The following SKA2 variants were observed in gnomAD, a reference collection of about 807,000 sequenced individuals.
SKA2 encodes spindle and kinetochore associated complex subunit 2, also known as spindle and kinetochore-associated protein 2.
Under a neutral mutation model 16.9 loss-of-function variants are expected in SKA2, and 13 were observed. The ratio of observed to expected loss-of-function variants is 0.77; its 90% CI spans 0.50 to 1.22. The LOEUF is 1.22. Ranked by LOEUF, SKA2 falls within the 50% of genes most tolerant of loss-of-function variation. The pLI is 0.00. For synonymous variants in SKA2, 47 were observed against 48.5 expected (o/e 0.97, Z 0.13); for missense variants, 107 against 139.7 (o/e 0.77, Z 1.18).
rs545896005 is a variant in SKA2, at chr17:59,152,054, A to G, written c.33+3077T>C. Among the ~76,000 whole-genome samples the G allele has an allele frequency of 1.1e-4, 16 of 152,290 alleles. No homozygotes were observed. The East Asian group carries it at 2.9e-3, about 27-fold the overall frequency. On this transcript the variant is annotated intron_variant, in intron 1 of 3. Transcript: ENST00000330137. ...ATTGACATTTTAACTTTTTTAACGG[A>G]TAAGAACCCAATCAGAAGTCAGATG...
At chr17:59,136,560 T>G (rs114946592) in intron 1 of SKA2, among the ~76,000 whole-genome samples, 3,444 of 151,618 alleles carry the variant, frequency 0.023, 74 homozygotes, top group African/African-American at 0.055. Context: ...GCTTTTTTTT[T>G]TTTGTTTGAG....
intron 1 of SKA2, among the ~76,000 whole-genome samples, chr17:59,139,222 C>T (rs1313857007): frequency 2.6e-5 from 4 of 151,710 alleles, no homozygotes. Flanking sequence ...ACGGTGAAAC[C>T]CCGTCTCTAC....
intron 3 of SKA2, among the ~76,000 whole-genome samples, chr17:59,117,578 C>T (rs1568300782): frequency 6.6e-6 from 1 of 150,920 alleles, no homozygotes; most frequent in African/African-American, 2.5e-5. Flanking sequence ...TTTTCTTCTT[C>T]TTTTTCTTTT....
At chr17:59,141,126 C>T (rs1387711463) in intron 1 of SKA2, among the ~76,000 whole-genome samples, 1 of 151,996 alleles carries the variant, frequency 6.6e-6, no homozygotes, top group Non-Finnish European at 1.5e-5. Flanking sequence ...CGGCTGGGCA[C>T]AGTGGCGCAT....
chr17:59,151,646 T>G (rs867641348), intron 1 of SKA2: 1 of 164,248 alleles, frequency 6.1e-6, no homozygotes, highest in Non-Finnish European at 1.3e-5. Context: ...AAACAAGCCC[T>G]TTGAATAAAA....
chr17:59,125,302 C>T (rs905222809), intron 2 of SKA2, among the ~76,000 whole-genome samples: 14 of 151,416 alleles, frequency 9.2e-5, no homozygotes, highest in African/African-American at 3.1e-4. Flanking sequence ...GGAGCCTCTA[C>T]GATTCTTTTA....
intron 1 of SKA2, among the ~76,000 whole-genome samples, chr17:59,139,892 A>G (rs921587570): frequency 6.6e-6 from 1 of 152,218 alleles, no homozygotes; most frequent in African/African-American, 2.4e-5. Flanking sequence ...AGATGAAAGA[A>G]CAAACATTCA....
intron 2 of SKA2, among the ~76,000 whole-genome samples, chr17:59,119,912 C>CT (rs758313063): frequency 2.4e-3 from 338 of 142,646 alleles, no homozygotes; most frequent in African/African-American, 4.9e-3. Flanking sequence ...TTATAAAAAT[C>CT]TTTTTTTTTT....
chr17:59,117,050 C>T (rs984946084), intron 3 of SKA2, among the ~76,000 whole-genome samples: 2 of 151,884 alleles, frequency 1.3e-5, no homozygotes, highest in African/African-American at 2.4e-5. Context: ...CTCCTGGCCT[C>T]GTAATCCTCC....
At chr17:59,148,564 T>G (rs1346653118) in intron 1 of SKA2, among the ~76,000 whole-genome samples, 1 of 151,896 alleles carries the variant, frequency 6.6e-6, no homozygotes, top group Non-Finnish European at 1.5e-5. Flanking sequence ...GACTACAGTC[T>G]TGCGCCACCA....
chr17:59,150,439 C>T (rs2046568366), intron 1 of SKA2, among the ~76,000 whole-genome samples: 1 of 151,964 alleles, frequency 6.6e-6, no homozygotes, highest in Non-Finnish European at 1.5e-5. Context: ...AAATTAACAC[C>T]AATTAAGATT....
At chr17:59,135,336 A>C (rs1301038332) in intron 1 of SKA2, among the ~76,000 whole-genome samples, 1 of 109,950 alleles carries the variant, frequency 9.1e-6, no homozygotes, top group Non-Finnish European at 1.9e-5. Flanking sequence ...TTTTTTTTTT[A>C]GAAGGAGTCT....
At chr17:59,120,703 A>T (rs2046326644) in intron 2 of SKA2, among the ~76,000 whole-genome samples, 1 of 152,210 alleles carries the variant, frequency 6.6e-6, no homozygotes, top group Non-Finnish European at 1.5e-5. Flanking sequence ...GGACTGGGGT[A>T]GGCTGAGGAG....
At position 59,132,210 on chromosome 17, in the gene SKA2, G is replaced by A. The variant is rs534264193; in HGVS notation, c.34-843C>T. Among the ~76,000 whole-genome samples, 536 of 152,158 alleles carry A rather than the reference G, an allele frequency of 3.5e-3. 3 individuals are homozygous for A. Among genetic ancestry groups the A allele is most frequent in the Non-Finnish European group, 5.1e-3 (344 of 68,006 alleles). On this transcript the variant is annotated intron_variant, in intron 1 of 3. Transcript: ENST00000330137. Reference sequence around the variant, plus strand: ...ATCTCTACCAAAAATACAAAAATTAGCTGTGCATGGTGGCAGAAGCCTGTA... The same window carrying A: ...ATCTCTACCAAAAATACAAAAATTAACTGTGCATGGTGGCAGAAGCCTGTA...
At chr17:59,146,023 C>G (rs1024008232) in intron 1 of SKA2, among the ~76,000 whole-genome samples, 34 of 150,646 alleles carry the variant, frequency 2.3e-4, no homozygotes, top group African/African-American at 8.3e-4. Context: ...CATAATGAAA[C>G]AAAGTAGGAA....
chr17:59,147,310 AG>A (rs2046540719), intron 1 of SKA2, among the ~76,000 whole-genome samples: 2 of 151,974 alleles, frequency 1.3e-5, no homozygotes, highest in Admixed American at 1.3e-4. Flanking sequence ...TGTAATTAAA[AG>A]CCAAAGAGGA....
intron 1 of SKA2, among the ~76,000 whole-genome samples, chr17:59,133,735 C>T (rs2046425772): frequency 6.6e-6 from 1 of 152,092 alleles, no homozygotes; most frequent in Non-Finnish European, 1.5e-5. Context: ...AACTAGTTTC[C>T]ATCACTAATA....
chr17:59,129,827 C>G (rs1383555640), intron 2 of SKA2, among the ~76,000 whole-genome samples: 4 of 144,256 alleles, frequency 2.8e-5, no homozygotes, highest in Admixed American at 7.1e-5. Flanking sequence ...TGAACTCCAG[C>G]CTGGATAACA....
intron 2 of SKA2, among the ~76,000 whole-genome samples, chr17:59,125,999 G>A (rs1308271227): frequency 4.6e-5 from 7 of 151,812 alleles, no homozygotes; most frequent in South Asian, 2.1e-4. Context: ...GTGAAACCCC[G>A]CCTCTACTAA....
Sources: allele counts gnomAD v4.1 joint callset (sites outside exome capture counted in the v4.1 genomes callset), GRCh38; gene constraint gnomAD v4.1.1; transcripts MANE v1.5; gene names NCBI Gene and HGNC (gene_info 2026-07-23, HGNC 2026-07-21).